ADGRB3: variants seen among roughly 807,000 people sequenced by gnomAD.
ADGRB3 encodes brain-specific angiogenesis inhibitor 3.
Under a neutral mutation model 193.4 loss-of-function variants are expected in ADGRB3, and 37 were observed. That is an observed-to-expected ratio of 0.19 (90% confidence interval 0.15 to 0.25). The LOEUF (loss-of-function observed/expected upper bound fraction) is 0.25. Among genes scored for constraint, ADGRB3 ranks in the 10% least tolerant of loss-of-function variants. The probability of loss-of-function intolerance (pLI) is 1.00; values close to 1 mark genes in which losing one functional copy is unlikely to be tolerated. For synonymous variants in ADGRB3, 690 were observed against 644.2 expected (o/e 1.07, Z -1.08); for missense variants, 1,637 against 1,852.9 (o/e 0.88, Z 2.14).
chr6:69,377,053 G>A (rs796096069), intron 30 of ADGRB3, among the ~76,000 whole-genome samples: 17 of 152,126 alleles, frequency 1.1e-4, no homozygotes, highest in African/African-American at 3.1e-4. Flanking sequence ...CCATGTGAGG[G>A]ATGCATTGGG....
At chr6:68,733,728 T>C (rs1376801069) in intron 3 of ADGRB3, among the ~76,000 whole-genome samples, 1 of 150,930 alleles carries the variant, frequency 6.6e-6, no homozygotes, top group Non-Finnish European at 1.5e-5. Context: ...TAAGACCTAC[T>C]AGTTGATAGC....
chr6:69,335,303 CA>C lies in ADGRB3; in HGVS notation c.3188+2297del, dbSNP rs574407342. 4.8e-3 allele frequency among the ~76,000 whole-genome samples: 730 copies of C among 151,986 alleles called. 8 individuals carry two copies. The highest frequency in any genetic ancestry group is 0.017 in the African/African-American group (697 of 41,462). ...TTATGAATTTAGAAATTATCCATTC[CA>C]ATCTACATATTAACAAATAAGTTAT... is the stretch of plus-strand genomic sequence containing the variant. On this transcript the variant is annotated intron_variant, in intron 24 of 31. Transcript: ENST00000370598.
intron 13 of ADGRB3, among the ~76,000 whole-genome samples, chr6:69,031,178 T>C (rs1770670652): frequency 6.6e-6 from 1 of 150,866 alleles, no homozygotes. Flanking sequence ...TGGTGGCTTA[T>C]GGCTGTAATC....
chr6:68,867,283 A>C (rs1186049626), intron 3 of ADGRB3, among the ~76,000 whole-genome samples: 2 of 152,208 alleles, frequency 1.3e-5, no homozygotes, highest in Non-Finnish European at 2.9e-5. Flanking sequence ...AAAAGGGGGA[A>C]GGTACAGCTC....
chr6:68,696,418 C>G (rs1286649765), intron 3 of ADGRB3, among the ~76,000 whole-genome samples: 1 of 150,486 alleles, frequency 6.6e-6, no homozygotes, highest in Non-Finnish European at 1.5e-5. Context: ...TGCCACTTTT[C>G]TTCTAAAAAT....
chr6:69,009,694 C>A (rs955855879), intron 11 of ADGRB3, among the ~76,000 whole-genome samples: 1 of 152,034 alleles, frequency 6.6e-6, no homozygotes, highest in Admixed American at 6.6e-5. Context: ...TGTAGTTCAC[C>A]CTATATTTCT....
At position 69,035,061 on chromosome 6, in the gene ADGRB3, C is replaced by T. The variant is rs902954328; in HGVS notation, c.2108-13124C>T. On this transcript the variant is annotated intron_variant, in intron 13 of 31. Transcript: ENST00000370598. ...TGTGTTAATTTTATTAGTCATCATC[C>T]TTTGTTTATAATTCCAATGATAAAC... 8.6e-5 allele frequency among the ~76,000 whole-genome samples: 13 copies of T among 151,918 alleles called. 1 individual carries two copies. The highest frequency in any genetic ancestry group is 2.9e-4 in the African/African-American group (12 of 41,378).
chr6:69,007,296 C>T (rs1043227644), intron 11 of ADGRB3, among the ~76,000 whole-genome samples: 2 of 152,118 alleles, frequency 1.3e-5, no homozygotes, highest in African/African-American at 2.4e-5. Flanking sequence ...CTCTTACTCT[C>T]CTATACTTTA....
At chr6:69,027,152 TTTTC>T (rs749862015) in intron 13 of ADGRB3, among the ~76,000 whole-genome samples, 6 of 152,048 alleles carry the variant, frequency 3.9e-5, no homozygotes, top group Non-Finnish European at 7.4e-5. Context: ...TGTAAAAATA[TTTTC>T]TTTCTTTATG....
chr6:69,277,290 G>A (rs1474097185), intron 20 of ADGRB3, among the ~76,000 whole-genome samples: 1 of 152,024 alleles, frequency 6.6e-6, no homozygotes, highest in Non-Finnish European at 1.5e-5. Context: ...ATGGCGCCTG[G>A]CCCACTCTAG....
Position 69,323,885 on chromosome 6 carries a change from G to A in ADGRB3, c.2815-987G>A, listed in dbSNP as rs995790539. Among the ~76,000 whole-genome samples the A allele has an allele frequency of 1.6e-4, 25 of 152,086 alleles. No homozygotes were observed. The East Asian group carries it at 4.4e-3, about 27-fold the overall frequency. ...TGGTGGTAGAGATGAGAAGATATGG[G>A]TTATAGTTTTATTTCTTTGTATTGG... On this transcript the variant is annotated intron_variant, in intron 20 of 31. Coordinates refer to ENST00000370598, the MANE Select transcript of ADGRB3 (RefSeq NM_001704.3).
At chr6:68,809,047 T>C (rs1031464862) in intron 3 of ADGRB3, among the ~76,000 whole-genome samples, 1 of 143,706 alleles carries the variant, frequency 7.0e-6, no homozygotes, top group Non-Finnish European at 1.5e-5. Context: ...TTCCAAACCC[T>C]GGCCTGATTT....
rs191939400 is a variant in ADGRB3, at chr6:69,261,692, G to A, written c.2814+22466G>A. 1.3e-4 allele frequency among the ~76,000 whole-genome samples: 19 copies of A among 151,870 alleles called. No individual in the cohort carries two copies. The Middle Eastern group carries it at 0.014, about 110-fold the overall frequency. On this transcript the variant is annotated intron_variant, in intron 20 of 31. Coordinates refer to ENST00000370598, the MANE Select transcript of ADGRB3 (RefSeq NM_001704.3). ...TTGTGCAATAATATGTAACATTTGG[G>A]TATTCATGGTAAATATTTGGTTTAT...
chr6:69,361,968 A>G (rs1769464818), intron 29 of ADGRB3, among the ~76,000 whole-genome samples: 1 of 151,968 alleles, frequency 6.6e-6, no homozygotes, highest in Admixed American at 6.6e-5. Context: ...GTTAAAAATT[A>G]CAAAATTGGA....
chr6:68,946,944 T>G (rs1237591280), intron 6 of ADGRB3, among the ~76,000 whole-genome samples: 1 of 152,114 alleles, frequency 6.6e-6, no homozygotes, highest in African/African-American at 2.4e-5. Flanking sequence ...TCAGATTCCT[T>G]GCTGAGTCAA....
intron 3 of ADGRB3, among the ~76,000 whole-genome samples, chr6:68,757,765 G>A (rs1257736927): frequency 6.6e-6 from 1 of 151,842 alleles, no homozygotes; most frequent in Non-Finnish European, 1.5e-5. Flanking sequence ...ATATCTTATT[G>A]TGTCCCTAGA....
intron 3 of ADGRB3, among the ~76,000 whole-genome samples, chr6:68,781,716 C>A (rs985340298): frequency 3.3e-5 from 5 of 152,076 alleles, no homozygotes; most frequent in African/African-American, 1.2e-4. Flanking sequence ...TAACCACCAA[C>A]AGAAGCTGCC....
chr6:69,232,560 T>C, intron 17 of ADGRB3: 1 of 1,535,560 alleles, frequency 6.5e-7, no homozygotes, highest in East Asian at 2.4e-5. Flanking sequence ...AAAGAAGCAG[T>C]TGAGGGAAAG....
intron 20 of ADGRB3, among the ~76,000 whole-genome samples, chr6:69,252,844 A>T (rs1333300889): frequency 2.6e-5 from 4 of 152,120 alleles, no homozygotes; most frequent in African/African-American, 9.6e-5. Context: ...CCACCATAAA[A>T]GATCTTCATT....
Sources: allele counts gnomAD v4.1 joint callset (sites outside exome capture counted in the v4.1 genomes callset), GRCh38; gene constraint gnomAD v4.1.1; transcripts MANE v1.5; gene names NCBI Gene and HGNC (gene_info 2026-07-23, HGNC 2026-07-21).